CACNA2D3: variants seen among roughly 807,000 people sequenced by gnomAD.
CACNA2D3 encodes the protein calcium voltage-gated channel auxiliary subunit alpha2delta 3.
CACNA2D3 carries 60 observed loss-of-function variants against 160.6 expected under a neutral mutation model. That is an observed-to-expected ratio of 0.37 (90% confidence interval 0.30 to 0.46). CACNA2D3 has a LOEUF of 0.46. Among genes scored for constraint, CACNA2D3 ranks in the 20% least tolerant of loss-of-function variants. CACNA2D3 has a pLI of 1.00. For synonymous variants in CACNA2D3, 558 were observed against 492.9 expected (o/e 1.13, Z -1.75); for missense variants, 1,205 against 1,365.0 (o/e 0.88, Z 1.85).
chr3:54,366,889 T>G (rs1189345403), intron 3 of CACNA2D3, among the ~76,000 whole-genome samples: 1 of 152,216 alleles, frequency 6.6e-6, no homozygotes, highest in Non-Finnish European at 1.5e-5. Context: ...TTTTTAGAAA[T>G]GGCTACAATG....
chr3:54,254,056 C>T (rs554319655), intron 2 of CACNA2D3, among the ~76,000 whole-genome samples: 3 of 152,260 alleles, frequency 2.0e-5, no homozygotes, highest in East Asian at 3.9e-4. Context: ...TGAGCAACTG[C>T]GCCCGGCCGA....
intron 9 of CACNA2D3, among the ~76,000 whole-genome samples, chr3:54,599,125 T>A (rs1703016952): frequency 6.6e-6 from 1 of 152,208 alleles, no homozygotes; most frequent in African/African-American, 2.4e-5. Flanking sequence ...TATAACTGAC[T>A]GGAACATTGT....
chr3:54,540,560 T>C (rs1235134180), intron 5 of CACNA2D3, among the ~76,000 whole-genome samples: 1 of 152,132 alleles, frequency 6.6e-6, no homozygotes, highest in African/African-American at 2.4e-5. Flanking sequence ...ATAGTATGCA[T>C]TGGTCGGGTA....
chr3:54,825,748 C>G (rs1703735350), intron 14 of CACNA2D3, among the ~76,000 whole-genome samples: 1 of 152,164 alleles, frequency 6.6e-6, no homozygotes, highest in Admixed American at 6.5e-5. Context: ...CATTTTAACA[C>G]TGAGGTAAAT....
At chr3:54,839,279 C>T (rs1698768529) in intron 16 of CACNA2D3, among the ~76,000 whole-genome samples, 1 of 152,034 alleles carries the variant, frequency 6.6e-6, no homozygotes, top group South Asian at 2.1e-4. Context: ...AAAAAATAGT[C>T]CGGAGAGTTC....
intron 4 of CACNA2D3, among the ~76,000 whole-genome samples, chr3:54,451,568 G>A (rs1575462031): frequency 6.6e-6 from 1 of 152,080 alleles, no homozygotes; most frequent in East Asian, 1.9e-4. Context: ...CGAGTCACAT[G>A]CCTAATCTCT....
chr3:54,848,072 G>T (rs1334880675), intron 17 of CACNA2D3, among the ~76,000 whole-genome samples: 1 of 152,166 alleles, frequency 6.6e-6, no homozygotes, highest in Non-Finnish European at 1.5e-5. Flanking sequence ...CAATGGAAAT[G>T]ATTAGCTGCC....
At chr3:54,790,591 G>A (rs1333103066) in intron 13 of CACNA2D3, among the ~76,000 whole-genome samples, 1 of 152,148 alleles carries the variant, frequency 6.6e-6, no homozygotes, top group Middle Eastern at 3.2e-3. Flanking sequence ...TAGGTGCTCG[G>A]AATTCCTGAT....
intron 15 of CACNA2D3, among the ~76,000 whole-genome samples, chr3:54,837,570 C>G (rs148564640): frequency 6.6e-6 from 1 of 152,124 alleles, no homozygotes; most frequent in Admixed American, 6.5e-5. Context: ...AATGAAGTGC[C>G]ACAAACTGTG....
At chr3:54,896,984 A>C in intron 26 of CACNA2D3, 114 bp downstream of exon 26, 3 of 1,351,316 alleles carry the variant, frequency 2.2e-6, no homozygotes, top group Non-Finnish European at 3.1e-6. Context: ...TTCAACCCTC[A>C]GAGCCAGTGC....
At chr3:54,372,581 CTCTCTG>C (rs1306420550) in intron 3 of CACNA2D3, among the ~76,000 whole-genome samples, 3 of 152,140 alleles carry the variant, frequency 2.0e-5, no homozygotes, top group Admixed American at 6.5e-5. Context: ...TCTTCATTAG[CTCTCTG>C]TCTTTTCTTT....
At chr3:54,598,127 T>TAA (rs746815735) in intron 9 of CACNA2D3, among the ~76,000 whole-genome samples, 1 of 140,372 alleles carries the variant, frequency 7.1e-6, no homozygotes, top group Admixed American at 7.1e-5. Context: ...CTATCTCTAC[T>TAA]AAAAAAAAAA....
intron 14 of CACNA2D3, among the ~76,000 whole-genome samples, chr3:54,832,394 T>G (rs1257231648): frequency 6.6e-6 from 1 of 151,872 alleles, no homozygotes; most frequent in African/African-American, 2.4e-5. Flanking sequence ...TTGGACGGGG[T>G]GAAGAGGACT....
intron 2 of CACNA2D3, among the ~76,000 whole-genome samples, chr3:54,145,942 T>C (rs1394575913): frequency 2.0e-5 from 3 of 152,354 alleles, no homozygotes; most frequent in South Asian, 2.1e-4. Flanking sequence ...TTCATCAGTT[T>C]GTCTTTTTTT....
intron 2 of CACNA2D3, among the ~76,000 whole-genome samples, chr3:54,232,620 C>T (rs1701795527): frequency 6.6e-6 from 1 of 152,180 alleles, no homozygotes; most frequent in African/African-American, 2.4e-5. Flanking sequence ...CCAACTCCAC[C>T]ATGCTTCCAG....
intron 4 of CACNA2D3, among the ~76,000 whole-genome samples, chr3:54,406,871 A>T (rs949269636): frequency 2.6e-5 from 4 of 152,112 alleles, no homozygotes; most frequent in African/African-American, 9.7e-5. Flanking sequence ...TGGATATATT[A>T]ATTTGTTCCA....
intron 4 of CACNA2D3, among the ~76,000 whole-genome samples, chr3:54,422,927 C>T (rs1699860363): frequency 6.6e-6 from 1 of 152,188 alleles, no homozygotes; most frequent in Non-Finnish European, 1.5e-5. Flanking sequence ...AAAGCTAAAG[C>T]AACTGTGGCC....
intron 11 of CACNA2D3, among the ~76,000 whole-genome samples, chr3:54,739,751 A>ATGTGTG (rs5849058): frequency 0.011 from 1,607 of 145,898 alleles, 31 homozygotes; most frequent in African/African-American, 0.04. Context: ...CTCCTCATAT[A>ATGTGTG]TGTGTGTGTG....
At position 54,899,818 on chromosome 3, in the gene CACNA2D3, CAAGT is replaced by C; in HGVS notation, c.2401_2404del (p.Ser801HisfsTer17). The C allele has an allele frequency of 6.2e-7, 1 of 1,608,994 alleles. No homozygotes were observed. The highest frequency in any genetic ancestry group is 8.5e-7 in the Non-Finnish European group (1 of 1,177,734). On this transcript the variant is annotated frameshift_variant, in exon 27 of 38. Coordinates refer to ENST00000474759, the MANE Select transcript of CACNA2D3 (RefSeq NM_018398.3). LOFTEE classifies it high-confidence loss of function. ...GTCAATAAAAGCAATGTGGTGACAG[CAAGT>C]ACATCCATCCAGCTCCTGGATGAAC...
Sources: allele counts gnomAD v4.1 joint callset (sites outside exome capture counted in the v4.1 genomes callset), GRCh38; gene constraint gnomAD v4.1.1; transcripts MANE v1.5; gene names NCBI Gene and HGNC (gene_info 2026-07-23, HGNC 2026-07-21).